Variants in ACBD6 observed in about 807,000 individuals in gnomAD.
ACBD6 encodes acyl-CoA binding domain containing 6, also known as acyl-CoA-binding domain-containing protein 6.
Under a neutral mutation model 37.2 loss-of-function variants are expected in ACBD6, and 28 were observed. The ratio of observed to expected loss-of-function variants is 0.75; its 90% CI spans 0.56 to 1.03. The LOEUF (loss-of-function observed/expected upper bound fraction) is 1.03, where lower values mean the gene tolerates loss of function less well. Ranked by LOEUF, ACBD6 falls within the 50% of genes least tolerant of loss-of-function variation. The pLI, the probability that ACBD6 is intolerant of heterozygous loss-of-function variation, is 0.00. For synonymous variants in ACBD6, 113 were observed against 126.8 expected (o/e 0.89, Z 0.73); for missense variants, 340 against 337.4 (o/e 1.01, Z -0.06).
At chr1:180,400,443 T>C (rs1647307253) in intron 5 of ACBD6, among the ~76,000 whole-genome samples, 1 of 152,230 alleles carries the variant, frequency 6.6e-6, no homozygotes, top group Admixed American at 6.5e-5. Flanking sequence ...ACAATGACTT[T>C]CTGTAGAAGC....
intron 3 of ACBD6, among the ~76,000 whole-genome samples, chr1:180,430,942 T>C (rs1648787978): frequency 6.6e-6 from 1 of 152,114 alleles, no homozygotes; most frequent in Admixed American, 6.6e-5. Flanking sequence ...TCTGCAAGGA[T>C]CAAAGTGCAA....
intron 3 of ACBD6, among the ~76,000 whole-genome samples, chr1:180,444,980 C>T (rs1361598654): frequency 6.6e-6 from 1 of 152,220 alleles, no homozygotes; most frequent in Admixed American, 6.5e-5. Flanking sequence ...TGTGTGCTAC[C>T]TTTTTTGGAT....
At chr1:180,432,144 C>G (rs1648837578) in intron 3 of ACBD6, among the ~76,000 whole-genome samples, 2 of 151,274 alleles carry the variant, frequency 1.3e-5, no homozygotes, top group African/African-American at 2.4e-5. Context: ...GATGCAGAAG[C>G]TGCAGTGAGC....
At chr1:180,321,506 T>G (rs1303091916) in intron 6 of ACBD6, among the ~76,000 whole-genome samples, 1 of 152,294 alleles carries the variant, frequency 6.6e-6, no homozygotes, top group East Asian at 1.9e-4. Flanking sequence ...GATCTTTCAC[T>G]TCTTTGGTTA....
At chr1:180,345,498 C>T (rs188103139) in intron 6 of ACBD6, among the ~76,000 whole-genome samples, 209 of 149,934 alleles carry the variant, frequency 1.4e-3, no homozygotes, top group Non-Finnish European at 1.7e-3. Flanking sequence ...TTTCACTTAG[C>T]ATTTCTAGAA....
chr1:180,361,403 C>T (rs1299503367), intron 6 of ACBD6, among the ~76,000 whole-genome samples: 2 of 151,254 alleles, frequency 1.3e-5, no homozygotes, highest in African/African-American at 2.4e-5. Context: ...ATAATAGAAT[C>T]TGTAAAGTAT....
intron 6 of ACBD6, among the ~76,000 whole-genome samples, chr1:180,344,728 G>A (rs935294650): frequency 8.5e-5 from 13 of 152,158 alleles, no homozygotes; most frequent in Admixed American, 5.9e-4. Context: ...ATGATGCTCA[G>A]AGACATTATA....
intron 3 of ACBD6, among the ~76,000 whole-genome samples, chr1:180,475,623 AG>A: frequency 6.6e-6 from 1 of 152,238 alleles, no homozygotes; most frequent in Non-Finnish European, 1.5e-5. Context: ...ATGCTCAAGC[AG>A]TCCTCCCATC....
intron 6 of ACBD6, among the ~76,000 whole-genome samples, chr1:180,316,782 A>G (rs2764436): frequency 0.13 from 19,692 of 152,164 alleles, 2,116 homozygotes; most frequent in African/African-American, 0.3. Flanking sequence ...GAAACAATGA[A>G]ATGAATGAGA....
At chr1:180,420,365 C>A (rs555038398) in intron 4 of ACBD6, among the ~76,000 whole-genome samples, 71 of 152,324 alleles carry the variant, frequency 4.7e-4, no homozygotes, top group African/African-American at 1.6e-3. Context: ...TTGCTTCAGG[C>A]ATGACGGTTT....
intron 6 of ACBD6, chr1:180,326,566 C>T (rs1094599): frequency 0.045 from 6,897 of 152,378 alleles, 223 homozygotes; most frequent in South Asian, 0.06. Context: ...CTGGTACCTA[C>T]GGTACAAGGT....
At chr1:180,441,225 C>T (rs1015315301) in intron 3 of ACBD6, among the ~76,000 whole-genome samples, 1 of 152,162 alleles carries the variant, frequency 6.6e-6, no homozygotes, top group Non-Finnish European at 1.5e-5. Flanking sequence ...TTATTGCGGA[C>T]ACCCTACTGG....
chr1:180,411,473 T>C (rs1224108260), intron 5 of ACBD6, among the ~76,000 whole-genome samples: 1 of 152,214 alleles, frequency 6.6e-6, no homozygotes, highest in Non-Finnish European at 1.5e-5. Context: ...TGACTACCAC[T>C]GTGATCGGTC....
At chr1:180,329,253 C>A (rs530493808) in intron 6 of ACBD6, among the ~76,000 whole-genome samples, 1 of 152,316 alleles carries the variant, frequency 6.6e-6, no homozygotes, top group Non-Finnish European at 1.5e-5. Flanking sequence ...TTACAGTGCA[C>A]TAAGGTATAT....
chr1:180,482,952 T>C (rs1264807199), intron 3 of ACBD6, among the ~76,000 whole-genome samples: 1 of 152,186 alleles, frequency 6.6e-6, no homozygotes, highest in Non-Finnish European at 1.5e-5. Flanking sequence ...GCCTCTATTA[T>C]TTTCATGAAA....
chr1:180,296,243 G>A (rs897098538), intron 7 of ACBD6, among the ~76,000 whole-genome samples: 2 of 152,156 alleles, frequency 1.3e-5, no homozygotes, highest in Admixed American at 6.5e-5. Flanking sequence ...AAGAGATGAA[G>A]AAACTGCAGA....
chr1:180,294,549 T>C (rs1274759419), intron 7 of ACBD6, among the ~76,000 whole-genome samples: 2 of 151,444 alleles, frequency 1.3e-5, no homozygotes, highest in Non-Finnish European at 2.9e-5. Flanking sequence ...TAAAAAAATA[T>C]ATAATAATAA....
chr1:180,350,596 C>T (rs1652371268), intron 6 of ACBD6, among the ~76,000 whole-genome samples: 1 of 152,150 alleles, frequency 6.6e-6, no homozygotes, highest in African/African-American at 2.4e-5. Flanking sequence ...CACCCACACT[C>T]ACCCAAATTC....
At chr1:180,271,232 C>A in exon 14 of ACBD6, 1 of 845,124 alleles carries the variant, frequency 1.2e-6, no homozygotes, top group Non-Finnish European at 2.0e-6. Context: ...AGAGTGGGGA[C>A]CTCTCCACTC....
Sources: gnomAD v4.1 joint callset for allele counts (sites outside exome capture counted in the v4.1 genomes callset) on GRCh38, gnomAD v4.1.1 for gene constraint, MANE v1.5 for transcripts, NCBI Gene and HGNC (gene_info 2026-07-23, HGNC 2026-07-21) for gene names.